The following RAB3IP variants were observed in gnomAD, a reference collection of about 807,000 sequenced individuals.
RAB3IP encodes the protein rab-3A-interacting protein.
RAB3IP carries 36 observed loss-of-function variants against 59.1 expected under a neutral mutation model. That is an observed-to-expected ratio of 0.61 (90% CI 0.47 to 0.80). The LOEUF (loss-of-function observed/expected upper bound fraction) is 0.80, where lower values mean the gene tolerates loss of function less well. Ranked by LOEUF, RAB3IP falls within the 30% of genes least tolerant of loss-of-function variation. RAB3IP has a pLI of 0.00. For missense variants in RAB3IP, 511 were observed against 536.0 expected, an observed-to-expected ratio of 0.95 and a Z score of 0.46; for synonymous variants, 207 against 191.2, an observed-to-expected ratio of 1.08 and a Z score of -0.68.
chr12:69,768,432 A>G (rs1192129361), intron 3 of RAB3IP, among the ~76,000 whole-genome samples: 1 of 152,162 alleles, frequency 6.6e-6, no homozygotes, highest in Admixed American at 6.5e-5. Flanking sequence ...AGGTGCTCCA[A>G]ATGCTTGGAG....
intron 4 of RAB3IP, among the ~76,000 whole-genome samples, chr12:69,786,355 CTG>C (rs1875644097): frequency 6.6e-6 from 1 of 152,026 alleles, no homozygotes; most frequent in South Asian, 2.1e-4. Context: ...GCCTTCTTTT[CTG>C]TCTTTTTGGG....
chr12:69,781,982 T>C (rs1451940122), intron 3 of RAB3IP, among the ~76,000 whole-genome samples: 1 of 152,224 alleles, frequency 6.6e-6, no homozygotes, highest in Non-Finnish European at 1.5e-5. Flanking sequence ...CATTTTGCAT[T>C]GTCACTAGCA....
intron 5 of RAB3IP, among the ~76,000 whole-genome samples, chr12:69,794,809 G>A (rs1403912142): frequency 6.6e-6 from 1 of 152,078 alleles, no homozygotes; most frequent in East Asian, 1.9e-4. Flanking sequence ...ACTGAGAAAA[G>A]CCACCTAAAT....
chr12:69,785,406 A>G (rs1875479325), intron 4 of RAB3IP, among the ~76,000 whole-genome samples: 1 of 152,176 alleles, frequency 6.6e-6, no homozygotes, highest in Non-Finnish European at 1.5e-5. Context: ...AGAGAGAGGG[A>G]CAGAGGCACT....
chr12:69,766,577 A>G (rs536909580), intron 3 of RAB3IP, among the ~76,000 whole-genome samples: 62 of 151,286 alleles, frequency 4.1e-4, no homozygotes, highest in Middle Eastern at 3.4e-3. Flanking sequence ...CTGGAGTGCA[A>G]TGGCACCATC....
rs1362974208 is a variant in RAB3IP, at chr12:69,821,210, T to C, written c.*5764T>C. On this transcript the variant is annotated 3_prime_UTR_variant, in exon 11 of 11. Coordinates refer to ENST00000247833, the MANE Select transcript of RAB3IP (RefSeq NM_022456.5). ...CGCAGCAGCTCAGCTTTTATCTGTA[T>C]CTGTTGGAGCTCTCTAGGAAATGTC... 6.6e-6 allele frequency: 1 copy of C among 152,240 alleles called. No individual in the cohort carries two copies. The highest frequency in any genetic ancestry group is 1.5e-5 in the Non-Finnish European group (1 of 68,132). 9.4% of individuals were successfully genotyped at this position (152,240 alleles called of 1,614,324 possible). A position where few individuals can be genotyped will look rare whatever the true frequency, so the allele number is the denominator to read the frequency against.
At chr12:69,753,140 CTA>C (rs1869603102) in intron 1 of RAB3IP, among the ~76,000 whole-genome samples, 1 of 152,230 alleles carries the variant, frequency 6.6e-6, no homozygotes, top group Middle Eastern at 3.4e-3. Flanking sequence ...TTTGGGTTGT[CTA>C]TATGCTGGAA....
intron 1 of RAB3IP, among the ~76,000 whole-genome samples, chr12:69,746,209 A>G (rs893598177): frequency 2.0e-5 from 3 of 152,180 alleles, no homozygotes; most frequent in African/African-American, 7.2e-5. Context: ...ACTACATTAC[A>G]ATACATCTAT....
chr12:69,810,717 G>C (rs1056117766), intron 8 of RAB3IP, among the ~76,000 whole-genome samples: 1 of 152,184 alleles, frequency 6.6e-6, no homozygotes, highest in African/African-American at 2.4e-5. Context: ...GGAGAAAGGA[G>C]TTAGAGATAT....
chr12:69,788,433 G>C (rs1255414459), intron 4 of RAB3IP, among the ~76,000 whole-genome samples: 1 of 152,034 alleles, frequency 6.6e-6, no homozygotes, highest in Non-Finnish European at 1.5e-5. Flanking sequence ...CATAGAAAAA[G>C]TAAAGTAAAA....
intron 1 of RAB3IP, among the ~76,000 whole-genome samples, chr12:69,741,316 T>C (rs1887318132): frequency 6.6e-6 from 1 of 152,214 alleles, no homozygotes; most frequent in Admixed American, 6.5e-5. Flanking sequence ...CTATGGTTAC[T>C]TAGTTGTAGG....
At chr12:69,798,715 AG>A (rs1214263975) in intron 6 of RAB3IP, among the ~76,000 whole-genome samples, 6 of 152,226 alleles carry the variant, frequency 3.9e-5, no homozygotes, top group Non-Finnish European at 7.3e-5. Context: ...GGTATAAGGA[AG>A]GGATCCAATT....
chr12:69,800,908 A>T (rs1220864394), intron 7 of RAB3IP, among the ~76,000 whole-genome samples: 1 of 152,190 alleles, frequency 6.6e-6, no homozygotes, highest in Non-Finnish European at 1.5e-5. Flanking sequence ...AAGTATAAGA[A>T]ATTTAATCCT....
In RAB3IP at chr12:69,820,131, A is replaced by G. The variant is rs1881544423; in HGVS notation, c.*4685A>G. The G allele has an allele frequency of 6.6e-6, 1 of 152,140 alleles. No individual in the cohort carries two copies. The highest frequency in any genetic ancestry group is 2.1e-4 in the South Asian group (1 of 4,828). 9.4% of individuals were successfully genotyped at this position (152,140 alleles called of 1,614,324 possible). A position where few individuals can be genotyped will look rare whatever the true frequency, so the allele number is the denominator to read the frequency against. Reference sequence around the variant, plus strand: ...GTTGTTGCATTTTTCCCTAGATAAAATGTTTTTTCTATAAGACACTGCTTA... The same window carrying G: ...GTTGTTGCATTTTTCCCTAGATAAAGTGTTTTTTCTATAAGACACTGCTTA... On this transcript the variant is annotated 3_prime_UTR_variant, in exon 11 of 11. Coordinates refer to ENST00000247833, the MANE Select transcript of RAB3IP (RefSeq NM_022456.5).
Position 69,756,515 on chromosome 12 carries a change from G to A in RAB3IP, c.362G>A (p.Gly121Asp). ...AATGCAGAGAGAGAGTTTTTACAGG[G>A]TGCTACTATAACAGAGGCTTGCGAT... ...NYNAEREFLQGATITEACDGS... is the reference protein window; with the variant it reads ...NYNAEREFLQDATITEACDGS... The change falls in exon 3 of 11, where the codon GGT becomes GAT. Residue 121 changes from glycine to aspartate, a missense_variant. Transcript: ENST00000247833. 1 of 1,614,100 alleles carries A rather than the reference G, an allele frequency of 6.2e-7. No homozygotes were observed. The highest frequency in any genetic ancestry group is 8.5e-7 in the Non-Finnish European group (1 of 1,179,994).
intron 6 of RAB3IP, chr12:69,795,566 T>TAG: frequency 3.4e-6 from 2 of 590,390 alleles, no homozygotes; most frequent in South Asian, 4.4e-5. Context: ...GTAAGTTTCT[T>TAG]AATCTCAGTA....
intron 4 of RAB3IP, among the ~76,000 whole-genome samples, chr12:69,788,860 C>T (rs1251244720): frequency 4.6e-5 from 7 of 152,122 alleles, no homozygotes; most frequent in Non-Finnish European, 1.0e-4. Flanking sequence ...ATCTTTTCCA[C>T]TCACAATGGA....
rs1274564644 is a variant in RAB3IP, at chr12:69,817,383, A to G, written c.*1937A>G. The G allele has an allele frequency of 6.6e-6, 1 of 152,092 alleles. No individual in the cohort carries two copies. Among genetic ancestry groups the G allele is most frequent in the Non-Finnish European group, 1.5e-5 (1 of 68,010 alleles). 9.4% of individuals were successfully genotyped at this position (152,092 alleles called of 1,614,324 possible). A position where few individuals can be genotyped will look rare whatever the true frequency, so the allele number is the denominator to read the frequency against. Reference sequence around the variant, plus strand: ...TAAAATGTGATTGAAACATATTTAGAAAATGTGATTATCTTCCTGATCCTA... The same window carrying G: ...TAAAATGTGATTGAAACATATTTAGGAAATGTGATTATCTTCCTGATCCTA... On this transcript the variant is annotated 3_prime_UTR_variant, in exon 11 of 11. Coordinates refer to ENST00000247833, the MANE Select transcript of RAB3IP (RefSeq NM_022456.5).
Position 69,818,714 on chromosome 12 carries a change from C to T in RAB3IP, c.*3268C>T, listed in dbSNP as rs905916961. On this transcript the variant is annotated 3_prime_UTR_variant, in exon 11 of 11. Coordinates refer to ENST00000247833, the MANE Select transcript of RAB3IP (RefSeq NM_022456.5). ...AAACTATATGTGACATGATACTTTT[C>T]TTATAAAAGTCAAGAACAACTAAAA... is the stretch of plus-strand genomic sequence containing the variant. The T allele has an allele frequency of 7.2e-5, 11 of 151,736 alleles. No homozygotes were observed. The highest frequency in any genetic ancestry group is 2.7e-4 in the African/African-American group (11 of 41,024). 9.4% of individuals were successfully genotyped at this position (151,736 alleles called of 1,614,324 possible). A position where few individuals can be genotyped will look rare whatever the true frequency, so the allele number is the denominator to read the frequency against.
Sources: allele counts gnomAD v4.1 joint callset (sites outside exome capture counted in the v4.1 genomes callset), GRCh38; gene constraint gnomAD v4.1.1; transcripts MANE v1.5; gene names NCBI Gene and HGNC (gene_info 2026-07-23, HGNC 2026-07-21).